Variants in MAP3K20 observed in about 807,000 individuals in gnomAD.
MAP3K20 encodes HCCS-4.
Under a neutral mutation model 85.7 loss-of-function variants are expected in MAP3K20, and 40 were observed. The observed-to-expected ratio is 0.47, with a 90% CI of 0.36 to 0.61. The LOEUF is 0.61. Ranked by LOEUF, MAP3K20 falls within the 20% of genes least tolerant of loss-of-function variation. The pLI is 0.00. For missense variants in MAP3K20, 817 were observed against 961.7 expected (o/e 0.85, Z 1.99); for synonymous variants, 325 against 327.7 (o/e 0.99, Z 0.09).
At chr2:173,185,731 T>C (rs1432361981) in intron 4 of MAP3K20, among the ~76,000 whole-genome samples, 2 of 152,224 alleles carry the variant, frequency 1.3e-5, no homozygotes, top group Non-Finnish European at 2.9e-5. Flanking sequence ...GATTCTCTTC[T>C]TTCTAGATGT....
At chr2:173,149,097 GA>G (rs1689221655) in intron 2 of MAP3K20, among the ~76,000 whole-genome samples, 1 of 152,250 alleles carries the variant, frequency 6.6e-6, no homozygotes, top group Non-Finnish European at 1.5e-5. Flanking sequence ...TATTTATAAT[GA>G]TAGTGCTGAA....
chr2:173,151,799 A>G (rs1689315389), intron 2 of MAP3K20, among the ~76,000 whole-genome samples: 2 of 152,236 alleles, frequency 1.3e-5, no homozygotes, highest in Non-Finnish European at 2.9e-5. Context: ...CTGGAATAAC[A>G]GTATTTCTGC....
chr2:173,143,178 G>A (rs547470697), intron 2 of MAP3K20, among the ~76,000 whole-genome samples: 6 of 152,280 alleles, frequency 3.9e-5, no homozygotes, highest in African/African-American at 1.4e-4. Context: ...CATAATAAAG[G>A]TGTAGTGGCT....
At position 173,266,370 on chromosome 2, in the gene MAP3K20, G is replaced by A. The variant is rs1685422407; in HGVS notation, c.2023G>A (p.Asp675Asn). ...DTSSERGRYS[D>N]RSRNKYGRGS... ...CTCTTCAGAGAGGGGTCGATACTCA[G>A]ACAGAAGCAGGAACAAATATGGACG... The change falls in exon 20 of 20, where the codon GAC (aspartate) becomes AAC (asparagine). Residue 675 changes from aspartate (D) to asparagine (N), a missense_variant. By Grantham distance (23) the Asp-to-Asn change is conservative. Coordinates refer to ENST00000375213, the MANE Select transcript of MAP3K20 (RefSeq NM_016653.3). The A allele has an allele frequency of 6.2e-7, 1 of 1,614,098 alleles. No homozygotes were observed. The highest frequency in any genetic ancestry group is 8.5e-7 in the Non-Finnish European group (1 of 1,180,016).
intron 10 of MAP3K20, chr2:173,212,765 C>G (rs1382504543): frequency 4.1e-5 from 6 of 146,036 alleles, no homozygotes; most frequent in Non-Finnish European, 8.9e-5. Flanking sequence ...GGCCACGACA[C>G]TCCAGCCTGG....
At chr2:173,167,064 T>C (rs764360751) in intron 2 of MAP3K20, among the ~76,000 whole-genome samples, 4 of 151,836 alleles carry the variant, frequency 2.6e-5, no homozygotes, top group Non-Finnish European at 4.4e-5. Context: ...AGGCGCCCGC[T>C]ACCACGCCCG....
intron 2 of MAP3K20, among the ~76,000 whole-genome samples, chr2:173,125,898 A>G (rs554506039): frequency 1.4e-3 from 219 of 152,086 alleles, no homozygotes; most frequent in African/African-American, 5.1e-3. Flanking sequence ...TCCTGACCTC[A>G]TGATCCACCT....
At chr2:173,225,602 A>AC (rs1216374687) in intron 11 of MAP3K20, 93 of 965,034 alleles carry the variant, frequency 9.6e-5, no homozygotes, top group South Asian at 1.5e-4. Flanking sequence ...TCAAAAAAAA[A>AC]AAAAAACAAA....
chr2:173,210,708 C>A (rs186682252), intron 10 of MAP3K20: 11 of 152,294 alleles, frequency 7.2e-5, no homozygotes, highest in African/African-American at 1.9e-4. Flanking sequence ...TTATTCCCCC[C>A]CTGACTCAGC....
At chr2:173,241,246 AAC>A (rs1684773144) in intron 16 of MAP3K20, among the ~76,000 whole-genome samples, 2 of 152,332 alleles carry the variant, frequency 1.3e-5, no homozygotes, top group South Asian at 4.1e-4. Flanking sequence ...GGATGTCCGT[AAC>A]ACAAAGAAAT....
At chr2:173,224,506 T>C (rs773613473) in intron 11 of MAP3K20, 4 of 985,258 alleles carry the variant, frequency 4.1e-6, no homozygotes, top group African/African-American at 1.7e-5. Flanking sequence ...TTAGGTAATA[T>C]TTTCCTCATT....
At chr2:173,123,292 G>A (rs1226554297) in intron 2 of MAP3K20, among the ~76,000 whole-genome samples, 2 of 151,630 alleles carry the variant, frequency 1.3e-5, no homozygotes, top group Admixed American at 6.6e-5. Context: ...CTGATGTGCT[G>A]TATATTTCCC....
chr2:173,228,868 C>T (rs1194862448), intron 11 of MAP3K20, among the ~76,000 whole-genome samples: 5 of 152,148 alleles, frequency 3.3e-5, no homozygotes, highest in Admixed American at 6.5e-5. Flanking sequence ...AGATGAGTGA[C>T]AATTTGCCAT....
intron 14 of MAP3K20, among the ~76,000 whole-genome samples, chr2:173,234,054 G>A (rs962907303): frequency 6.6e-6 from 1 of 152,216 alleles, no homozygotes. Flanking sequence ...GTAGGAAAAA[G>A]TATTTTCTGC....
At chr2:173,201,735 G>A (rs1165391150) in intron 8 of MAP3K20, among the ~76,000 whole-genome samples, 1 of 152,146 alleles carries the variant, frequency 6.6e-6, no homozygotes, top group Admixed American at 6.5e-5. Context: ...TATTAGGAAT[G>A]CCCACAGTTA....
At chr2:173,216,364 C>T (rs1235824557) in intron 10 of MAP3K20, among the ~76,000 whole-genome samples, 1 of 152,064 alleles carries the variant, frequency 6.6e-6, no homozygotes, top group African/African-American at 2.4e-5. Context: ...GTTCATCTGG[C>T]CCAGGGTTTT....
chr2:173,226,078 G>A (rs1559289601), intron 11 of MAP3K20: 1 of 985,192 alleles, frequency 1.0e-6, no homozygotes, highest in Non-Finnish European at 1.2e-6. Context: ...CTCTGGAAAT[G>A]TTGAGGGTGG....
At chr2:173,176,219 A>G (rs1690147592) in intron 3 of MAP3K20, among the ~76,000 whole-genome samples, 1 of 152,084 alleles carries the variant, frequency 6.6e-6, no homozygotes, top group African/African-American at 2.4e-5. Flanking sequence ...TTCACTTTTC[A>G]TGAAATGCCT....
chr2:173,125,089 A>G (rs993456982), intron 2 of MAP3K20, among the ~76,000 whole-genome samples: 2 of 152,222 alleles, frequency 1.3e-5, no homozygotes, highest in African/African-American at 4.8e-5. Context: ...TAAGGTGTGG[A>G]TGTGGAACTG....
Sources: allele counts gnomAD v4.1 joint callset (sites outside exome capture counted in the v4.1 genomes callset), GRCh38; gene constraint gnomAD v4.1.1; transcripts MANE v1.5; gene names NCBI Gene and HGNC (gene_info 2026-07-23, HGNC 2026-07-21).